The following RBMS1 variants were observed in gnomAD, a reference collection of about 807,000 sequenced individuals.
RBMS1 encodes the protein RNA-binding motif, single-stranded-interacting protein 1.
A neutral mutation model predicts 62.3 loss-of-function variants in RBMS1; 17 were observed. That is an observed-to-expected ratio of 0.27 (90% CI 0.19 to 0.41). RBMS1 has a LOEUF of 0.41. Ranked by LOEUF, RBMS1 falls within the 10% of genes least tolerant of loss-of-function variation. The pLI, the probability that RBMS1 is intolerant of heterozygous loss-of-function variation, is 1.00. For synonymous variants in RBMS1, 172 were observed against 170.0 expected (o/e 1.01, Z -0.09); for missense variants, 334 against 504.5 (o/e 0.66, Z 3.24).
intron 2 of RBMS1, among the ~76,000 whole-genome samples, chr2:160,325,510 G>A (rs965621043): frequency 9.2e-5 from 14 of 152,106 alleles, no homozygotes; most frequent in Admixed American, 6.5e-4. Context: ...TACAATACAC[G>A]TCCTCACACA....
intron 1 of RBMS1, among the ~76,000 whole-genome samples, chr2:160,371,196 G>C (rs1016894851): frequency 6.6e-6 from 1 of 152,194 alleles, no homozygotes; most frequent in Non-Finnish European, 1.5e-5. Flanking sequence ...CGTTAGATTA[G>C]GTGTCTTGGC....
Position 160,394,913 on chromosome 2 carries a change from GT to G in RBMS1, c.76-27523del, listed in dbSNP as rs1695059007. Among the ~76,000 whole-genome samples, 7 of 152,328 alleles carry G rather than the reference GT, an allele frequency of 4.6e-5. No homozygotes were observed. In the South Asian group the frequency reaches 1.4e-3, roughly 32 times the overall value. The stretch of plus-strand genomic sequence containing the variant: ...TGAGAATTTAAACAAATCACTCAAT[GT>G]TTCTGGATTTTAATTATTTAGGAGT... On this transcript the variant is annotated intron_variant, in intron 1 of 13. Coordinates refer to ENST00000348849, the MANE Select transcript of RBMS1 (RefSeq NM_016836.4).
chr2:160,379,052 T>G (rs181819093), intron 1 of RBMS1, among the ~76,000 whole-genome samples: 7 of 152,128 alleles, frequency 4.6e-5, no homozygotes, highest in African/African-American at 1.7e-4. Context: ...AAACCCTATC[T>G]CTACAAAAAC....
chr2:160,344,636 C>A (rs1016955247), intron 2 of RBMS1, among the ~76,000 whole-genome samples: 4 of 152,070 alleles, frequency 2.6e-5, no homozygotes, highest in Non-Finnish European at 5.9e-5. Context: ...AATGGCAAAA[C>A]ATTTACAACT....
intron 4 of RBMS1, among the ~76,000 whole-genome samples, chr2:160,308,700 G>A (rs963083012): frequency 2.6e-5 from 4 of 152,278 alleles, no homozygotes; most frequent in East Asian, 1.9e-4. Flanking sequence ...ACTGGTCCTC[G>A]CCACAGATGA....
intron 1 of RBMS1, among the ~76,000 whole-genome samples, chr2:160,386,160 TCAAAC>T (rs1478036921): frequency 6.6e-6 from 1 of 152,210 alleles, no homozygotes; most frequent in East Asian, 1.9e-4. Flanking sequence ...TCATTTATAG[TCAAAC>T]CAAATACTTT....
At chr2:160,380,854 A>C (rs1573966986) in intron 1 of RBMS1, among the ~76,000 whole-genome samples, 2 of 152,342 alleles carry the variant, frequency 1.3e-5, no homozygotes, top group East Asian at 1.9e-4. Context: ...CCCGCAACCC[A>C]GTAGTTGCTC....
intron 2 of RBMS1, among the ~76,000 whole-genome samples, chr2:160,329,338 G>A (rs188145111): frequency 6.6e-6 from 1 of 152,250 alleles, no homozygotes; most frequent in African/African-American, 2.4e-5. Context: ...CAGAGTTGAC[G>A]TTTCTAAACT....
At chr2:160,330,501 C>A (rs1313341094) in intron 2 of RBMS1, among the ~76,000 whole-genome samples, 1 of 151,998 alleles carries the variant, frequency 6.6e-6, no homozygotes, top group Non-Finnish European at 1.5e-5. Context: ...GAATACTTAG[C>A]CAAAGTCAAT....
chr2:160,378,499 A>G (rs1694113911), intron 1 of RBMS1, among the ~76,000 whole-genome samples: 1 of 152,028 alleles, frequency 6.6e-6, no homozygotes, highest in South Asian at 2.1e-4. Flanking sequence ...CCTGTGTCCA[A>G]CTACTGGGGA....
chr2:160,400,031 C>A (rs768638418), intron 1 of RBMS1, among the ~76,000 whole-genome samples: 1 of 152,132 alleles, frequency 6.6e-6, no homozygotes, highest in African/African-American at 2.4e-5. Flanking sequence ...CTTCCCCTTC[C>A]CTCTCTTCAG....
chr2:160,335,019 G>A lies in RBMS1; in HGVS notation c.252-16792C>T, dbSNP rs1691491188. Among the ~76,000 whole-genome samples the A allele has an allele frequency of 1.3e-5, 2 of 151,932 alleles. 1 individual carries two copies. On this transcript the variant is annotated intron_variant, in intron 2 of 13. Coordinates refer to ENST00000348849, the MANE Select transcript of RBMS1 (RefSeq NM_016836.4). Reference sequence around the variant, plus strand: ...CATCACATAATAAAAGCAAAGTAATGAGGATTAAAATCTGTTCCAATCAAC... The same window carrying A: ...CATCACATAATAAAAGCAAAGTAATAAGGATTAAAATCTGTTCCAATCAAC...
intron 2 of RBMS1, among the ~76,000 whole-genome samples, chr2:160,353,873 G>A (rs1692653468): frequency 1.3e-5 from 2 of 152,068 alleles, no homozygotes; most frequent in South Asian, 4.2e-4. Flanking sequence ...TGCCAAAAGT[G>A]TTCAGAGCAC....
At chr2:160,406,943 G>A (rs942547865) in intron 1 of RBMS1, among the ~76,000 whole-genome samples, 1 of 152,168 alleles carries the variant, frequency 6.6e-6, no homozygotes, top group African/African-American at 2.4e-5. Context: ...CCTTGAGAAA[G>A]TGACAGTAGA....
intron 1 of RBMS1, among the ~76,000 whole-genome samples, chr2:160,472,193 A>G (rs191529163): frequency 2.2e-4 from 33 of 152,262 alleles, no homozygotes; most frequent in Non-Finnish European, 4.0e-4. Flanking sequence ...TGACATAACT[A>G]TATTTTATTC....
At chr2:160,455,548 T>C (rs1469588867) in intron 1 of RBMS1, among the ~76,000 whole-genome samples, 1 of 152,206 alleles carries the variant, frequency 6.6e-6, no homozygotes, top group Non-Finnish European at 1.5e-5. Flanking sequence ...GCATGGATAC[T>C]ATTTACTGCT....
intron 1 of RBMS1, among the ~76,000 whole-genome samples, chr2:160,460,587 C>A (rs993988065): frequency 1.4e-4 from 21 of 152,218 alleles, no homozygotes; most frequent in African/African-American, 5.1e-4. Flanking sequence ...CACTACACAA[C>A]AGTGCCTGCT....
intron 1 of RBMS1, among the ~76,000 whole-genome samples, chr2:160,370,978 T>C (rs1693695887): frequency 2.6e-5 from 4 of 152,226 alleles, no homozygotes; most frequent in Admixed American, 2.0e-4. Flanking sequence ...TTCTACTTTA[T>C]AAAAATCTTT....
intron 1 of RBMS1, among the ~76,000 whole-genome samples, chr2:160,480,947 A>G (rs1256956238): frequency 2.0e-5 from 3 of 151,920 alleles, no homozygotes; most frequent in African/African-American, 7.3e-5. Flanking sequence ...CAGGCATGGT[A>G]GCAAACACCC....
Sources: allele counts gnomAD v4.1 joint callset (sites outside exome capture counted in the v4.1 genomes callset), GRCh38; gene constraint gnomAD v4.1.1; transcripts MANE v1.5; gene names NCBI Gene and HGNC (gene_info 2026-07-23, HGNC 2026-07-21).